Variants in XG observed in about 807,000 individuals in gnomAD.
XG encodes Xg glycoprotein (Xg blood group).
A neutral mutation model predicts 25.7 loss-of-function variants in XG; 24 were observed. The ratio of observed to expected loss-of-function variants is 0.93; its 90% CI spans 0.68 to 1.31. The LOEUF (loss-of-function observed/expected upper bound fraction) is 1.31. Among genes scored for constraint, XG ranks in the 40% most tolerant of loss-of-function variants. The probability of loss-of-function intolerance (pLI) is 0.00; values close to 1 mark genes in which losing one functional copy is unlikely to be tolerated. For missense variants in XG, 181 were observed against 187.6 expected (o/e 0.96, Z 0.21); for synonymous variants, 77 against 69.2 (o/e 1.11, Z -0.56).
intron 1 of XG, among the ~76,000 whole-genome samples, chrX:2,765,732 C>G (rs2050669615): frequency 6.6e-6 from 1 of 152,194 alleles, no homozygotes; most frequent in South Asian, 2.1e-4. Context: ...CCATTGCTCT[C>G]CTGTGCTGCG....
In XG at chrX:2,752,209, G is replaced by A; in HGVS notation, c.-66G>A. The A allele has an allele frequency of 6.2e-7, 1 of 1,608,880 alleles. No individual in the cohort carries two copies. The highest frequency in any genetic ancestry group is 8.5e-7 in the Non-Finnish European group (1 of 1,176,508). On this transcript the variant is annotated 5_prime_UTR_variant, in exon 1 of 11. Coordinates refer to ENST00000644266, the MANE Select transcript of XG (RefSeq NM_001141919.2). ...CAGAAGTCAACAACAGGAGGGTGGA[G>A]AGGCCGGGTCTCACAATCCGCTTGG...
chrX:2,806,602 G>A (rs778928824), intron 7 of XG, 99 bp from the exon 8 acceptor site: 8 of 737,216 alleles, frequency 1.1e-5, no homozygotes, highest in Non-Finnish European at 1.6e-5. Context: ...GCTTTTAAGA[G>A]CATCTTGCTT....
At chrX:2,764,366 C>T (rs1255903369) in intron 1 of XG, among the ~76,000 whole-genome samples, 2 of 152,160 alleles carry the variant, frequency 1.3e-5, no homozygotes, top group African/African-American at 4.8e-5. Flanking sequence ...TTTATGGACT[C>T]GCCGCAAATT....
At chrX:2,764,597 G>A (rs749842805) in intron 1 of XG, among the ~76,000 whole-genome samples, 6 of 151,960 alleles carry the variant, frequency 3.9e-5, no homozygotes, top group South Asian at 2.1e-4. Context: ...GTAAAACCTC[G>A]GAACTTTCCC....
At chrX:2,778,897 G>C (rs2051059594) in intron 3 of XG, among the ~76,000 whole-genome samples, 1 of 151,856 alleles carries the variant, frequency 6.6e-6, no homozygotes, top group Admixed American at 6.6e-5. Context: ...CCTCAGCTGG[G>C]ACTACAGGCA....
intron 5 of XG, among the ~76,000 whole-genome samples, chrX:2,791,159 G>T (rs534776760): frequency 9.1e-6 from 1 of 109,942 alleles, no homozygotes; most frequent in Middle Eastern, 4.7e-3. Flanking sequence ...TCCCATCTCC[G>T]CCTTGGCAAT....
chrX:2,760,146 C>G (rs954132815), intron 1 of XG, among the ~76,000 whole-genome samples: 4 of 151,934 alleles, frequency 2.6e-5, no homozygotes, highest in African/African-American at 9.7e-5. Context: ...CACCACTGCA[C>G]TCCAGCCTGG....
At chrX:2,770,952 T>C (rs1235232029) in intron 2 of XG, among the ~76,000 whole-genome samples, 1 of 152,110 alleles carries the variant, frequency 6.6e-6, no homozygotes, top group African/African-American at 2.4e-5. Flanking sequence ...GCTCAAGTGA[T>C]CCTCCCACCT....
intron 3 of XG, among the ~76,000 whole-genome samples, chrX:2,776,423 G>C (rs1267635021): frequency 6.6e-6 from 1 of 152,148 alleles, no homozygotes; most frequent in African/African-American, 2.4e-5. Flanking sequence ...GAATTCCCGG[G>C]AACTGCGGAT....
intron 3 of XG, among the ~76,000 whole-genome samples, chrX:2,776,356 G>A (rs966575051): frequency 1.3e-5 from 2 of 152,114 alleles, no homozygotes; most frequent in South Asian, 2.1e-4. Flanking sequence ...CAGGTGCAGG[G>A]GCTTTAAGAC....
intron 7 of XG, among the ~76,000 whole-genome samples, chrX:2,801,190 A>G (rs1165545978): frequency 1.4e-5 from 1 of 73,061 alleles, no homozygotes; most frequent in Non-Finnish European, 3.4e-5. Context: ...CATGTGAAGC[A>G]GCTATGCTGT....
intron 3 of XG, among the ~76,000 whole-genome samples, chrX:2,777,455 T>C (rs1279502912): frequency 6.6e-6 from 1 of 152,050 alleles, no homozygotes. Context: ...TAGCCAAGTG[T>C]TGTGGTGAAT....
At chrX:2,759,616 C>T (rs2050518246) in intron 1 of XG, among the ~76,000 whole-genome samples, 1 of 152,134 alleles carries the variant, frequency 6.6e-6, no homozygotes. Context: ...CTGTTTGGCA[C>T]CTGAGTGTGA....
intron 1 of XG, among the ~76,000 whole-genome samples, chrX:2,767,332 C>T (rs1443307039): frequency 6.6e-6 from 1 of 152,016 alleles, no homozygotes. Context: ...TAACGCTCGG[C>T]CCACCCATCC....
At chrX:2,773,790 A>C (rs368174706) in intron 2 of XG, among the ~76,000 whole-genome samples, 126 of 77,176 alleles carry the variant, frequency 1.6e-3, no homozygotes, top group Middle Eastern at 0.02. Flanking sequence ...AAGGAAGGAG[A>C]GAAGGAAGGA....
chrX:2,787,907 CA>C (rs61601632), intron 4 of XG, among the ~76,000 whole-genome samples: 22,255 of 50,639 alleles, frequency 0.44, 4,384 homozygotes, highest in African/African-American at 0.7. Flanking sequence ...AACTCCTTCT[CA>C]AAAAAAAAAA....
chrX:2,807,921 A>T (rs1290704781), intron 8 of XG, among the ~76,000 whole-genome samples: 3 of 110,280 alleles, frequency 2.7e-5, no homozygotes, highest in Non-Finnish European at 5.7e-5. Context: ...ATGTATGTAG[A>T]CTCTCCAATC....
chrX:2,763,857 CT>C (rs2050618657), intron 1 of XG, among the ~76,000 whole-genome samples: 1 of 152,120 alleles, frequency 6.6e-6, no homozygotes, highest in Admixed American at 6.5e-5. Flanking sequence ...CGGTGTTCGG[CT>C]TTACTGCACA....
chrX:2,781,518 A>G (rs186009975), intron 3 of XG, among the ~76,000 whole-genome samples: 1 of 94,758 alleles, frequency 1.1e-5, no homozygotes, highest in Admixed American at 1.2e-4. Flanking sequence ...ACATATCTCC[A>G]CATAGCTTGG....
Sources: allele counts gnomAD v4.1 joint callset (sites outside exome capture counted in the v4.1 genomes callset), GRCh38; gene constraint gnomAD v4.1.1; transcripts MANE v1.5; gene names NCBI Gene and HGNC (gene_info 2026-07-23, HGNC 2026-07-21).